The following SAGE1 variants were observed in gnomAD, a reference collection of about 807,000 sequenced individuals.
The protein encoded by SAGE1 is sarcoma antigen 1.
A neutral mutation model predicts 55.4 loss-of-function variants in SAGE1; 55 were observed. The observed-to-expected ratio is 0.99, with a 90% CI of 0.80 to 1.24. The LOEUF (loss-of-function observed/expected upper bound fraction) is 1.24, where lower values mean the gene tolerates loss of function less well. Ranked by LOEUF, SAGE1 falls within the 50% of genes most tolerant of loss-of-function variation. SAGE1 has a pLI of 0.00. For missense variants in SAGE1, 710 were observed against 704.4 expected (o/e 1.01, Z -0.09); for synonymous variants, 240 against 244.3 (o/e 0.98, Z 0.17).
At chrX:135,907,477 TGTCCTA>T in intron 9 of SAGE1, 24 bp downstream of exon 9, 1 of 1,172,248 alleles carries the variant, frequency 8.5e-7, no homozygotes, top group Non-Finnish European at 1.2e-6. Context: ...CTAGTTGTAG[TGTCCTA>T]GTTGGTTTAC....
At chrX:135,912,545 C>A in intron 19 of SAGE1, 131 bp downstream of exon 19, 1 of 1,154,676 alleles carries the variant, frequency 8.7e-7, no homozygotes, top group Non-Finnish European at 1.1e-6. Flanking sequence ...TTTCCACAGG[C>A]ATTTAGGTTG....
At position 135,896,086 on chromosome X, in the gene SAGE1, A is replaced by AC. The variant is rs781890266; in HGVS notation, c.1-155dup. 148 of 428,578 alleles carry AC rather than the reference A, an allele frequency of 3.5e-4. No individual in the cohort carries two copies. In the East Asian group the frequency reaches 5.2e-3, roughly 15 times the overall value. The allele number at this position is 428,578 out of a possible 1,213,427, so 35.3% of individuals were successfully genotyped here. ...TAGACATGAGATTCTAAACTCTGGT[A>AC]CCAAGGCACACATTGCTAAGACAAT... On this transcript the variant is annotated intron_variant, in intron 1 of 19. Coordinates refer to ENST00000370709, the MANE Select transcript of SAGE1 (RefSeq NM_001381902.1).
intron 2 of SAGE1, among the ~76,000 whole-genome samples, chrX:135,898,049 G>A (rs1556594695): frequency 9.0e-6 from 1 of 111,253 alleles, no homozygotes; most frequent in East Asian, 2.8e-4. Flanking sequence ...ACGGAGTCAC[G>A]CTCTGTCGCC....
At chrX:135,897,885 C>T (rs782150452) in intron 2 of SAGE1, among the ~76,000 whole-genome samples, 1 of 111,638 alleles carries the variant, frequency 9.0e-6, no homozygotes, top group African/African-American at 3.3e-5. Flanking sequence ...TCCATGTGTT[C>T]TCATCATTCA....
intron 16 of SAGE1, 138 bp downstream of exon 16, chrX:135,910,693 C>A (rs2088883307): frequency 1.8e-6 from 1 of 542,993 alleles, no homozygotes; most frequent in Non-Finnish European, 3.0e-6. Flanking sequence ...CCTGGCATAT[C>A]CTTGCCTTCT....
chrX:135,912,121 T>C, intron 18 of SAGE1, 168 bp downstream of exon 18: 1 of 1,095,071 alleles, frequency 9.1e-7, no homozygotes, highest in Non-Finnish European at 1.2e-6. Context: ...ATATGTCTGC[T>C]TAAGTGTTTT....
At position 135,909,862 on chromosome X, in the gene SAGE1, T is replaced by C. The variant is rs185109425; in HGVS notation, c.1723+83T>C. 297 of 1,016,982 alleles carry C rather than the reference T, an allele frequency of 2.9e-4. 1 individual carries two copies. Among genetic ancestry groups the C allele is most frequent in the Admixed American group, 2.5e-3 (91 of 36,234 alleles). 83.8% of individuals were successfully genotyped at this position (1,016,982 alleles called of 1,213,427 possible). On this transcript the variant is annotated intron_variant, in intron 14 of 19. Coordinates refer to ENST00000370709, the MANE Select transcript of SAGE1 (RefSeq NM_001381902.1). ...TCATGAATAGGAGAAGGTGGTTTTG[T>C]TGTATTATCTTTCATGAGTTCAATT... is the stretch of plus-strand genomic sequence containing the variant.
chrX:135,912,585 A>C, intron 19 of SAGE1, 171 bp downstream of exon 19: 3 of 753,757 alleles, frequency 4.0e-6, no homozygotes, highest in Non-Finnish European at 4.7e-6. Flanking sequence ...CTTTCTTCCA[A>C]TACCATGGAG....
At position 135,907,321 on chromosome X, in the gene SAGE1, G is replaced by A. The variant is rs782005043; in HGVS notation, c.886G>A (p.Val296Ile). The A allele has an allele frequency of 1.4e-4, 166 of 1,204,001 alleles. No homozygotes were observed. Among genetic ancestry groups the A allele is most frequent in the Non-Finnish European group, 1.8e-4 (157 of 892,208 alleles). ...CTTCATTTGTTTTCCAGATTCCACC[G>A]TCCCTCACAATGTCTGTGAAGAGAA... ...AISTNGLYST[V>I]PHNVCEEKME... Residue 296 changes from valine (V) to isoleucine (I), a missense_variant, in exon 9 of 20, where the codon GTC (valine) becomes ATC (isoleucine). Physicochemically the swap from Val to Ile is conservative, Grantham distance 29 (BLOSUM62 3). Transcript: ENST00000370709.
chrX:135,907,473 G>A lies in SAGE1; in HGVS notation c.1018+20G>A, dbSNP rs2088817567. On this transcript the variant is annotated intron_variant, in intron 9 of 19. Coordinates refer to ENST00000370709, the MANE Select transcript of SAGE1 (RefSeq NM_001381902.1). Reference sequence around the variant, plus strand: ...ATCAGTGTATGTTTGTTTACTAGTTGTAGTGTCCTAGTTGGTTTACATATG... The same window carrying A: ...ATCAGTGTATGTTTGTTTACTAGTTATAGTGTCCTAGTTGGTTTACATATG... The A allele has an allele frequency of 3.4e-6, 4 of 1,181,874 alleles. No homozygotes were observed. Among genetic ancestry groups the A allele is most frequent in the Non-Finnish European group, 4.6e-6 (4 of 873,427 alleles).
chrX:135,899,312 A>T (rs1284050620), intron 2 of SAGE1, among the ~76,000 whole-genome samples: 1 of 111,200 alleles, frequency 9.0e-6, no homozygotes, highest in Non-Finnish European at 1.9e-5. Context: ...TCACTGTGTG[A>T]TCTTATTTCC....
intron 16 of SAGE1, among the ~76,000 whole-genome samples, chrX:135,910,903 A>G (rs1334790384): frequency 5.4e-5 from 6 of 111,951 alleles, no homozygotes; most frequent in Non-Finnish European, 1.1e-4. Context: ...GCTTATTAAT[A>G]TAGCAGGAGC....
At chrX:135,894,809 C>T (rs2088558251) in intron 1 of SAGE1, among the ~76,000 whole-genome samples, 1 of 110,940 alleles carries the variant, frequency 9.0e-6, no homozygotes, top group Admixed American at 9.7e-5. Context: ...GCAGTCATTT[C>T]GACCAGTTAA....
intron 18 of SAGE1, 50 bp from the exon 19 acceptor site, chrX:135,912,271 A>G: frequency 8.5e-7 from 1 of 1,173,801 alleles, no homozygotes. Context: ...AGATTGAGGT[A>G]TATTTCATTT....
chrX:135,898,521 G>A (rs1556595016), intron 2 of SAGE1, among the ~76,000 whole-genome samples: 1 of 111,777 alleles, frequency 8.9e-6, no homozygotes, highest in African/African-American at 3.3e-5. Flanking sequence ...TAATGAGATT[G>A]CTGGATCAAA....
intron 2 of SAGE1, among the ~76,000 whole-genome samples, chrX:135,898,948 A>G (rs1247207243): frequency 2.7e-5 from 3 of 111,951 alleles, no homozygotes; most frequent in Admixed American, 9.5e-5. Flanking sequence ...TAGGCTGTCT[A>G]TTCACTCTGA....
chrX:135,901,566 G>A lies in SAGE1; in HGVS notation c.95G>A (p.Arg32Lys). The A allele has an allele frequency of 1.7e-6, 2 of 1,207,977 alleles. No homozygotes were observed. The highest frequency in any genetic ancestry group is 2.3e-4 in the Middle Eastern group (1 of 4,329). Residue 32 changes from arginine to lysine, a missense_variant, in exon 3 of 20, where the codon AGG (arginine) becomes AAG (lysine). By Grantham distance (26) the Arg-to-Lys change is conservative. Transcript: ENST00000370709. Reference sequence around the variant, plus strand: ...TTCACTGATGTTTTTCAGCAAATGAGGAGTGATGAAGTAAATCTGGTTGCA... The same window carrying A: ...TTCACTGATGTTTTTCAGCAAATGAAGAGTGATGAAGTAAATCTGGTTGCA... ...YVFTNDGQQMRSDEVNLVATG... is the reference protein window; with the variant it reads ...YVFTNDGQQMKSDEVNLVATG...
intron 1 of SAGE1, among the ~76,000 whole-genome samples, chrX:135,895,085 A>T (rs1250186110): frequency 3.6e-5 from 4 of 111,557 alleles, no homozygotes; most frequent in Non-Finnish European, 5.6e-5. Context: ...GGTAATCCTT[A>T]TAAGAGCACC....
In SAGE1 at chrX:135,910,067, T is replaced by TA. The variant is rs1569521659; in HGVS notation, c.1766dup (p.Asn589LysfsTer8). On this transcript the variant is annotated frameshift_variant, in exon 15 of 20. Coordinates refer to ENST00000370709, the MANE Select transcript of SAGE1 (RefSeq NM_001381902.1). LOFTEE classifies it high-confidence loss of function. ...CTCACAATGTCCATGAAGAGAAGAT[T>TA]AAAAATGGCCAAGCAGCATCCGATA... 8.3e-7 allele frequency: 1 copy of TA among 1,207,936 alleles called. No individual in the cohort carries two copies. Among genetic ancestry groups the TA allele is most frequent in the Admixed American group, 2.2e-5 (1 of 45,915 alleles).
Sources: allele counts gnomAD v4.1 joint callset (sites outside exome capture counted in the v4.1 genomes callset), GRCh38; gene constraint gnomAD v4.1.1; transcripts MANE v1.5; gene names NCBI Gene and HGNC (gene_info 2026-07-23, HGNC 2026-07-21).